CCSER1: variants seen among roughly 807,000 people sequenced by gnomAD.
CCSER1 encodes the protein serine-rich coiled-coil domain-containing protein 1.
Under a neutral mutation model 82.0 loss-of-function variants are expected in CCSER1, and 41 were observed. The observed-to-expected ratio is 0.50, with a 90% CI of 0.39 to 0.65. CCSER1 has a LOEUF of 0.65. CCSER1 is among the 30% of genes least tolerant of loss of function. CCSER1 has a pLI of 0.00. For missense variants in CCSER1, 1,119 were observed against 1,064.2 expected (o/e 1.05, Z -0.72); for synonymous variants, 414 against 383.9 (o/e 1.08, Z -0.92).
intron 10 of CCSER1, among the ~76,000 whole-genome samples, chr4:91,123,828 A>G (rs1338479042): frequency 6.6e-6 from 1 of 151,832 alleles, no homozygotes; most frequent in African/African-American, 2.4e-5. Flanking sequence ...AGACAGATTT[A>G]TATATTTATG....
At chr4:91,526,649 G>A (rs1011918141) in intron 10 of CCSER1, among the ~76,000 whole-genome samples, 4 of 152,120 alleles carry the variant, frequency 2.6e-5, no homozygotes, top group Non-Finnish European at 5.9e-5. Context: ...CTATTGCCCA[G>A]GCTGGAGTGC....
chr4:91,030,771 T>G (rs1289202809), intron 9 of CCSER1, among the ~76,000 whole-genome samples: 1 of 151,852 alleles, frequency 6.6e-6, no homozygotes, highest in Non-Finnish European at 1.5e-5. Context: ...AGCAAATTAA[T>G]TCATCTCTTT....
Position 90,171,721 on chromosome 4 carries a change from G to A in CCSER1, c.-42+43890G>A, listed in dbSNP as rs576238863. ...AGCAACGGTGTACCCTGAGCACACA[G>A]AGCGGTAAACATTGGAATTGTACAG... On this transcript the variant is annotated intron_variant, in intron 1 of 10. Transcript: ENST00000509176. Among the ~76,000 whole-genome samples the A allele has an allele frequency of 2.6e-5, 4 of 151,998 alleles. No homozygotes were observed. The East Asian group carries it at 7.8e-4, about 29-fold the overall frequency.
At chr4:91,297,459 ATCT>A (rs1489416160) in intron 10 of CCSER1, among the ~76,000 whole-genome samples, 2 of 150,514 alleles carry the variant, frequency 1.3e-5, no homozygotes, top group East Asian at 2.0e-4. Context: ...GGGAGAAAAA[ATCT>A]TCTAGTATGA....
chr4:90,796,630 T>C (rs1349842389), intron 7 of CCSER1, among the ~76,000 whole-genome samples: 2 of 152,112 alleles, frequency 1.3e-5, no homozygotes, highest in African/African-American at 2.4e-5. Context: ...AGTGCTATAA[T>C]TTTCCCTCTT....
chr4:90,518,681 TATC>T (rs1194521296), intron 5 of CCSER1, among the ~76,000 whole-genome samples: 4 of 151,982 alleles, frequency 2.6e-5, no homozygotes, highest in Admixed American at 6.6e-5. Context: ...GGATAGAAAA[TATC>T]ATCTCAAACT....
chr4:91,250,349 T>C (rs1273113475), intron 10 of CCSER1, among the ~76,000 whole-genome samples: 1 of 152,122 alleles, frequency 6.6e-6, no homozygotes, highest in African/African-American at 2.4e-5. Flanking sequence ...TGCAAGTATG[T>C]GTGTGTATAT....
At chr4:91,472,017 TTAAC>T (rs915189426) in intron 10 of CCSER1, among the ~76,000 whole-genome samples, 3 of 152,004 alleles carry the variant, frequency 2.0e-5, no homozygotes, top group East Asian at 1.9e-4. Flanking sequence ...AAGATTTTAT[TTAAC>T]TAAGTTATTA....
chr4:90,993,974 T>G (rs1391715173), intron 9 of CCSER1, among the ~76,000 whole-genome samples: 1 of 152,130 alleles, frequency 6.6e-6, no homozygotes, highest in East Asian at 1.9e-4. Context: ...TTACTTGACT[T>G]ATGATATGGT....
At chr4:90,973,816 C>T (rs1397707135) in intron 9 of CCSER1, among the ~76,000 whole-genome samples, 1 of 151,322 alleles carries the variant, frequency 6.6e-6, no homozygotes, top group Non-Finnish European at 1.5e-5. Context: ...AACAGACAAA[C>T]GCATACATAC....
intron 6 of CCSER1, among the ~76,000 whole-genome samples, chr4:90,716,164 A>G (rs936771019): frequency 2.6e-5 from 4 of 151,798 alleles, no homozygotes; most frequent in African/African-American, 4.8e-5. Context: ...TATATAATAC[A>G]TTGCTAAAAT....
At chr4:91,548,474 G>A (rs1171825606) in intron 10 of CCSER1, among the ~76,000 whole-genome samples, 3 of 151,244 alleles carry the variant, frequency 2.0e-5, no homozygotes, top group East Asian at 1.9e-4. Context: ...ATAGACTCAA[G>A]TTTCTAGTCT....
intron 7 of CCSER1, among the ~76,000 whole-genome samples, chr4:90,776,869 A>G (rs1377271831): frequency 1.3e-5 from 2 of 152,154 alleles, no homozygotes; most frequent in Admixed American, 6.5e-5. Context: ...TCTCTCTCTT[A>G]TTGTTTCCTA....
chr4:91,227,808 C>T (rs1005943952), intron 10 of CCSER1, among the ~76,000 whole-genome samples: 3 of 151,796 alleles, frequency 2.0e-5, no homozygotes, highest in Non-Finnish European at 4.4e-5. Flanking sequence ...CAAATAGGGT[C>T]CATGAAATTT....
intron 6 of CCSER1, among the ~76,000 whole-genome samples, chr4:90,698,422 A>G (rs1319459252): frequency 6.6e-6 from 1 of 152,208 alleles, no homozygotes; most frequent in Non-Finnish European, 1.5e-5. Context: ...AATCGAGCAG[A>G]CAAGGAATAT....
At chr4:91,382,260 A>C (rs1750960593) in intron 10 of CCSER1, among the ~76,000 whole-genome samples, 1 of 152,194 alleles carries the variant, frequency 6.6e-6, no homozygotes, top group South Asian at 2.1e-4. Context: ...GGAAACCTGC[A>C]GAGGTTTCTG....
At chr4:90,846,447 TA>T (rs1763247547) in intron 8 of CCSER1, among the ~76,000 whole-genome samples, 1 of 150,918 alleles carries the variant, frequency 6.6e-6, no homozygotes, top group Non-Finnish European at 1.5e-5. Context: ...TTTTTATTGA[TA>T]AAAACAATTA....
chr4:91,122,938 C>G (rs891723903), intron 10 of CCSER1, among the ~76,000 whole-genome samples: 1 of 151,684 alleles, frequency 6.6e-6, no homozygotes, highest in African/African-American at 2.4e-5. Context: ...TATTGCATTA[C>G]TTCAAATGAT....
rs568577138 is a variant in CCSER1, at chr4:90,889,902, A to G, written c.2095-33468A>G. Among the ~76,000 whole-genome samples the G allele has an allele frequency of 1.2e-4, 19 of 152,304 alleles. No homozygotes were observed. The South Asian group carries it at 3.9e-3, about 32-fold the overall frequency. On this transcript the variant is annotated intron_variant, in intron 8 of 10. Transcript: ENST00000509176. ...GTATGGGTAGCACAATAAAGTATGA[A>G]AAGTAGATAGGCTCAAAAAATACTT...
Sources: allele counts gnomAD v4.1 joint callset (sites outside exome capture counted in the v4.1 genomes callset), GRCh38; gene constraint gnomAD v4.1.1; transcripts MANE v1.5; gene names NCBI Gene and HGNC (gene_info 2026-07-23, HGNC 2026-07-21).